Variants in PHKB observed in about 807,000 individuals in gnomAD.
The protein encoded by PHKB is phosphorylase b kinase regulatory subunit beta.
In PHKB, 122 loss-of-function variants were observed where a neutral mutation model predicts 152.1. That is an observed-to-expected ratio of 0.80 (90% CI 0.69 to 0.93). The LOEUF (loss-of-function observed/expected upper bound fraction) is 0.93. Among genes scored for constraint, PHKB ranks in the 40% least tolerant of loss-of-function variants. The pLI, the probability that PHKB is intolerant of heterozygous loss-of-function variation, is 0.00. For synonymous variants in PHKB, 436 were observed against 464.9 expected, an observed-to-expected ratio of 0.94 and a Z score of 0.80; for missense variants, 1,304 against 1,328.4, an observed-to-expected ratio of 0.98 and a Z score of 0.29.
chr16:47,660,841 C>T (rs756873173), intron 22 of PHKB, 22 bp downstream of exon 22: 2 of 1,612,996 alleles, frequency 1.2e-6, no homozygotes, highest in Admixed American at 3.3e-5. Flanking sequence ...GCACTTCCCA[C>T]ATGGCCCTAA....
chr16:47,559,044 G>A (rs974156416), intron 7 of PHKB, among the ~76,000 whole-genome samples: 1 of 152,274 alleles, frequency 6.6e-6, no homozygotes, highest in East Asian at 1.9e-4. Flanking sequence ...AATAAAATAT[G>A]TACCTCACAC....
At chr16:47,576,867 G>A (rs1435120194) in intron 7 of PHKB, among the ~76,000 whole-genome samples, 2 of 151,838 alleles carry the variant, frequency 1.3e-5, no homozygotes, top group African/African-American at 2.4e-5. Context: ...CTTTTTTATA[G>A]ACAATACATA....
At chr16:47,624,159 C>G (rs1413890190) in intron 14 of PHKB, among the ~76,000 whole-genome samples, 1 of 152,084 alleles carries the variant, frequency 6.6e-6, no homozygotes, top group East Asian at 1.9e-4. Flanking sequence ...CTGTGAGCAT[C>G]TTTATTGTTT....
intron 26 of PHKB, among the ~76,000 whole-genome samples, chr16:47,684,701 A>G (rs1382353863): frequency 6.6e-6 from 1 of 151,918 alleles, no homozygotes; most frequent in Non-Finnish European, 1.5e-5. Flanking sequence ...CGGGAGGCAG[A>G]GCTTGCAGTG....
chr16:47,528,696 C>CTTTTTTTTTTTTT (rs11450311), intron 6 of PHKB, among the ~76,000 whole-genome samples: 2 of 137,390 alleles, frequency 1.5e-5, no homozygotes, highest in Admixed American at 7.4e-5. Flanking sequence ...AGGACTTTTT[C>CTTTTTTTTTTTTT]TTTTTTTTTT....
At chr16:47,556,621 A>C (rs1971375065) in intron 7 of PHKB, among the ~76,000 whole-genome samples, 1 of 152,204 alleles carries the variant, frequency 6.6e-6, no homozygotes, top group South Asian at 2.1e-4. Flanking sequence ...GATGAAGCCC[A>C]CTTGATCATG....
At chr16:47,586,365 G>A (rs1054734337) in intron 8 of PHKB, among the ~76,000 whole-genome samples, 2 of 152,208 alleles carry the variant, frequency 1.3e-5, no homozygotes, top group African/African-American at 2.4e-5. Flanking sequence ...TTGGAACTCC[G>A]GAGTGACAGA....
chr16:47,642,656 A>G (rs1046777800), intron 16 of PHKB, among the ~76,000 whole-genome samples: 1 of 152,178 alleles, frequency 6.6e-6, no homozygotes, highest in Non-Finnish European at 1.5e-5. Flanking sequence ...AGAGAGGTAC[A>G]TGTTACATGG....
intron 26 of PHKB, among the ~76,000 whole-genome samples, chr16:47,682,088 T>C (rs981032324): frequency 1.3e-5 from 2 of 152,220 alleles, no homozygotes; most frequent in African/African-American, 4.8e-5. Context: ...TGTTGAATAT[T>C]GGCCCCCACT....
chr16:47,594,260 A>T (rs764573006), intron 12 of PHKB, 46 bp downstream of exon 12: 1 of 990,460 alleles, frequency 1.0e-6, no homozygotes, highest in Non-Finnish European at 1.6e-6. Context: ...CATTTCCTGA[A>T]TGTTTATTTG....
chr16:47,592,190 G>C (rs2151699294), intron 10 of PHKB, among the ~76,000 whole-genome samples: 1 of 152,200 alleles, frequency 6.6e-6, no homozygotes, highest in East Asian at 1.9e-4. Flanking sequence ...CAGAATTCCA[G>C]CTGGTCCTGT....
intron 26 of PHKB, among the ~76,000 whole-genome samples, chr16:47,672,386 A>C (rs560205917): frequency 2.0e-5 from 3 of 152,272 alleles, no homozygotes; most frequent in African/African-American, 7.2e-5. Flanking sequence ...CTTTCATGTG[A>C]GCTAACTCCA....
intron 13 of PHKB, among the ~76,000 whole-genome samples, chr16:47,603,924 G>A (rs1972279493): frequency 6.6e-6 from 1 of 152,088 alleles, no homozygotes; most frequent in Non-Finnish European, 1.5e-5. Flanking sequence ...GGAAACTAAG[G>A]CCCATAAGAG....
chr16:47,642,458 T>C lies in PHKB; in HGVS notation c.1608+766T>C, dbSNP rs565137065. On this transcript the variant is annotated intron_variant, in intron 16 of 30. Transcript: ENST00000323584. ...CACGACATTGTTGACTCCTACCCAC[T>C]ACTTATTTATACACTGCCATTTTTA... Among the ~76,000 whole-genome samples the C allele has an allele frequency of 3.3e-4, 50 of 152,348 alleles. No homozygotes were observed. The Middle Eastern group carries it at 0.02, about 62-fold the overall frequency.
intron 7 of PHKB, among the ~76,000 whole-genome samples, chr16:47,572,058 A>G (rs1366628551): frequency 6.6e-6 from 1 of 152,126 alleles, no homozygotes; most frequent in Admixed American, 6.5e-5. Context: ...GGGAAGACAC[A>G]AGGGCTGAAG....
At position 47,699,526 on chromosome 16, in the gene PHKB, C is replaced by T; in HGVS notation, c.*160C>T. 6.3e-6 allele frequency: 5 copies of T among 794,406 alleles called. No individual in the cohort carries two copies. In the South Asian group the frequency reaches 7.0e-5, roughly 11 times the overall value. 49.2% of individuals were successfully genotyped at this position (794,406 alleles called of 1,614,324 possible). A position where few individuals can be genotyped will look rare whatever the true frequency, so the allele number is the denominator to read the frequency against. The stretch of plus-strand genomic sequence containing the variant: ...GTTATGGACCTCTTGCATGTCATAG[C>T]CAATCTAACGGTAATGGTAAATGCT... On this transcript the variant is annotated 3_prime_UTR_variant, in exon 31 of 31. Coordinates refer to ENST00000323584, the MANE Select transcript of PHKB (RefSeq NM_000293.3).
chr16:47,533,416 G>C (rs1970896648), intron 6 of PHKB, among the ~76,000 whole-genome samples: 1 of 152,158 alleles, frequency 6.6e-6, no homozygotes, highest in Non-Finnish European at 1.5e-5. Context: ...TTCTGCCCAG[G>C]AACCTGTCTG....
chr16:47,527,452 G>A (rs1335115807), intron 6 of PHKB, among the ~76,000 whole-genome samples: 3 of 151,930 alleles, frequency 2.0e-5, no homozygotes, highest in Non-Finnish European at 4.4e-5. Context: ...AGCAGATAAG[G>A]AAGAGTTAAA....
intron 20 of PHKB, among the ~76,000 whole-genome samples, chr16:47,656,315 C>G (rs1973337757): frequency 6.6e-6 from 1 of 152,160 alleles, no homozygotes; most frequent in Non-Finnish European, 1.5e-5. Flanking sequence ...CCGCGCCTGG[C>G]CAAGTTTTAC....
Sources: gnomAD v4.1 joint callset for allele counts (sites outside exome capture counted in the v4.1 genomes callset) on GRCh38, gnomAD v4.1.1 for gene constraint, MANE v1.5 for transcripts, NCBI Gene and HGNC (gene_info 2026-07-23, HGNC 2026-07-21) for gene names.